COL28A1: variants seen among roughly 807,000 people sequenced by gnomAD.
COL28A1 encodes the protein collagen type XXVIII alpha 1 chain.
COL28A1 carries 161 observed loss-of-function variants against 150.2 expected under a neutral mutation model. The ratio of observed to expected loss-of-function variants is 1.07; its 90% CI spans 0.94 to 1.22. The LOEUF is 1.22. Ranked by LOEUF, COL28A1 falls within the 50% of genes most tolerant of loss-of-function variation. The probability of loss-of-function intolerance (pLI) is 0.00; values close to 1 mark genes in which losing one functional copy is unlikely to be tolerated. For synonymous variants in COL28A1, 552 were observed against 469.7 expected, an observed-to-expected ratio of 1.18 and a Z score of -2.26; for missense variants, 1,617 against 1,388.3, an observed-to-expected ratio of 1.16 and a Z score of -2.62.
Position 7,388,518 on chromosome 7 carries a change from T to C in COL28A1, c.2137-6906A>G, listed in dbSNP as rs1026728327. Among the ~76,000 whole-genome samples the C allele has an allele frequency of 3.9e-5, 6 of 152,220 alleles. 1 individual carries two copies. Among genetic ancestry groups the C allele is most frequent in the South Asian group, 4.1e-4 (2 of 4,830 alleles). ...AATGATTTATAATCCCTTGGGTATA[T>C]ACCCAGTAATGGGATTGCTGGGTCA... On this transcript the variant is annotated intron_variant, in intron 27 of 34. Transcript: ENST00000399429.
intron 15 of COL28A1, among the ~76,000 whole-genome samples, chr7:7,458,006 GATA>G (rs1231243109): frequency 6.6e-6 from 1 of 152,324 alleles, no homozygotes; most frequent in East Asian, 1.9e-4. Flanking sequence ...AGTAGCCATA[GATA>G]ATATATAGTG....
chr7:7,417,336 A>G (rs1378807820), intron 27 of COL28A1, among the ~76,000 whole-genome samples: 2 of 151,558 alleles, frequency 1.3e-5, no homozygotes, highest in African/African-American at 2.4e-5. Flanking sequence ...GAGAGCTTTG[A>G]AAACCACAGC....
In COL28A1 at chr7:7,474,625, T is replaced by C; in HGVS notation, c.1278A>G (p.Gln426=). ...CCTTCTCCCCTTTGATTGACAGGCC[T>C]TGTAATCCCTGTGGGCCAGTTGGTC... ...SEGPTGPQGL[Q]GLSIKGEKGD... Residue 426 remains glutamine, a synonymous_variant, in exon 15 of 35, where the codon CAA becomes CAG. Transcript: ENST00000399429. 1.4e-6 allele frequency: 2 copies of C among 1,396,318 alleles called. No homozygotes were observed. The highest frequency in any genetic ancestry group is 2.0e-6 in the Non-Finnish European group (2 of 981,784). 86.5% of individuals were successfully genotyped at this position (1,396,318 alleles called of 1,614,324 possible). A position where few individuals can be genotyped will look rare whatever the true frequency, so the allele number is the denominator to read the frequency against.
chr7:7,423,130 A>G (rs897677569), intron 25 of COL28A1, among the ~76,000 whole-genome samples: 2 of 152,210 alleles, frequency 1.3e-5, no homozygotes, highest in African/African-American at 4.8e-5. Flanking sequence ...TCAAGTTTTT[A>G]AAAAGAGTTC....
intron 15 of COL28A1, among the ~76,000 whole-genome samples, chr7:7,465,435 A>T (rs1416108665): frequency 2.9e-5 from 4 of 139,404 alleles, no homozygotes; most frequent in African/African-American, 8.1e-5. Context: ...TATATCCCCC[A>T]CCTGGCTCAG....
chr7:7,492,951 T>C, intron 11 of COL28A1, among the ~76,000 whole-genome samples: 1 of 149,188 alleles, frequency 6.7e-6, no homozygotes, highest in East Asian at 1.9e-4. Context: ...AATTTATATA[T>C]ATATGTTACA....
intron 9 of COL28A1, 133 bp downstream of exon 9, chr7:7,510,958 G>T: frequency 1.4e-6 from 1 of 709,274 alleles, no homozygotes; most frequent in Non-Finnish European, 2.5e-6. Context: ...ATGTTTTACA[G>T]ATGTGAAAAA....
chr7:7,481,995 C>T (rs895832672), intron 13 of COL28A1, among the ~76,000 whole-genome samples: 1 of 151,846 alleles, frequency 6.6e-6, no homozygotes, highest in Non-Finnish European at 1.5e-5. Flanking sequence ...CAGACCAGCA[C>T]AAAACTAGTG....
intron 15 of COL28A1, among the ~76,000 whole-genome samples, chr7:7,462,868 A>C (rs1008064126): frequency 6.6e-6 from 1 of 151,818 alleles, no homozygotes; most frequent in African/African-American, 2.4e-5. Context: ...TCTCAAAAAA[A>C]AAAAAAAGAA....
chr7:7,526,122 A>T (rs1342169987), intron 3 of COL28A1, among the ~76,000 whole-genome samples: 2 of 152,250 alleles, frequency 1.3e-5, no homozygotes, highest in Non-Finnish European at 2.9e-5. Flanking sequence ...TTATGCCTAC[A>T]AGGCTGAAGA....
chr7:7,416,999 T>C (rs1398802129), intron 27 of COL28A1, among the ~76,000 whole-genome samples: 2 of 151,902 alleles, frequency 1.3e-5, no homozygotes, highest in Non-Finnish European at 2.9e-5. Context: ...GGTAAAAATA[T>C]ATATATATAT....
chr7:7,389,810 G>T (rs1293817519), intron 27 of COL28A1, among the ~76,000 whole-genome samples: 1 of 152,162 alleles, frequency 6.6e-6, no homozygotes, highest in African/African-American at 2.4e-5. Flanking sequence ...TGTTATTGGT[G>T]TATAAGAATG....
chr7:7,528,200 C>T (rs1782138180), intron 3 of COL28A1, among the ~76,000 whole-genome samples: 3 of 152,112 alleles, frequency 2.0e-5, no homozygotes, highest in South Asian at 4.1e-4. Flanking sequence ...AAATACTTAA[C>T]ATCAAAGGCA....
intron 33 of COL28A1, among the ~76,000 whole-genome samples, chr7:7,367,057 C>T (rs553820096): frequency 1.3e-5 from 2 of 152,098 alleles, no homozygotes; most frequent in African/African-American, 2.4e-5. Flanking sequence ...TGGTCCCATC[C>T]GATTATAATA....
At chr7:7,422,524 G>A (rs1312779008) in intron 25 of COL28A1, among the ~76,000 whole-genome samples, 2 of 152,086 alleles carry the variant, frequency 1.3e-5, no homozygotes, top group African/African-American at 2.4e-5. Context: ...AGCTACTGGG[G>A]AGGCTGAGGC....
At position 7,440,799 on chromosome 7, in the gene COL28A1, T is replaced by G; in HGVS notation, c.1713A>C (p.Glu571Asp). ...NQGQRGLPGP[E>D]GPKGEPGIMG... is the part of the protein sequence containing the mutation. ...AATACAAGAAACATACCTTTGGTCC[T>G]TCGGGCCCTGGAAGTCCCCTCTGTC... Residue 571 changes from glutamate to aspartate, a missense_variant, in exon 21 of 35, where the codon GAA (glutamate) becomes GAC (aspartate). Coordinates refer to ENST00000399429, the MANE Select transcript of COL28A1 (RefSeq NM_001037763.3). The G allele has an allele frequency of 6.8e-7, 1 of 1,472,968 alleles. No individual in the cohort carries two copies. The highest frequency in any genetic ancestry group is 9.5e-7 in the Non-Finnish European group (1 of 1,052,852). 91.2% of individuals were successfully genotyped at this position (1,472,968 alleles called of 1,614,324 possible). A position where few individuals can be genotyped will look rare whatever the true frequency, so the allele number is the denominator to read the frequency against.
intron 11 of COL28A1, among the ~76,000 whole-genome samples, chr7:7,504,930 A>T (rs1202775884): frequency 1.3e-5 from 2 of 152,148 alleles, no homozygotes; most frequent in Admixed American, 6.5e-5. Flanking sequence ...TTACTGTAGG[A>T]TTGTACCTGT....
intron 11 of COL28A1, among the ~76,000 whole-genome samples, chr7:7,503,550 T>C (rs989352163): frequency 1.3e-5 from 2 of 152,344 alleles, no homozygotes; most frequent in South Asian, 2.1e-4. Context: ...AATGTCACTA[T>C]AAAATATTAT....
intron 27 of COL28A1, 119 bp from the exon 28 acceptor site, chr7:7,381,731 G>A (rs1193002342): frequency 4.7e-6 from 3 of 639,606 alleles, no homozygotes; most frequent in Non-Finnish European, 8.3e-6. Flanking sequence ...AAATATTAGG[G>A]GAAATATATA....
Sources: gnomAD v4.1 joint callset for allele counts (sites outside exome capture counted in the v4.1 genomes callset) on GRCh38, gnomAD v4.1.1 for gene constraint, MANE v1.5 for transcripts, NCBI Gene and HGNC (gene_info 2026-07-23, HGNC 2026-07-21) for gene names.